Variants in TANGO6 observed in about 807,000 individuals in gnomAD.
TANGO6 encodes the protein transport and Golgi organization protein 6 homolog.
Under a neutral mutation model 114.2 loss-of-function variants are expected in TANGO6, and 90 were observed. The observed-to-expected ratio is 0.79, with a 90% CI of 0.66 to 0.94. The LOEUF (loss-of-function observed/expected upper bound fraction) is 0.94. Ranked by LOEUF, TANGO6 falls within the 40% of genes least tolerant of loss-of-function variation. The pLI is 0.00. For synonymous variants in TANGO6, 477 were observed against 509.8 expected (o/e 0.94, Z 0.87); for missense variants, 1,274 against 1,315.3 (o/e 0.97, Z 0.49).
At chr16:69,069,581 T>C (rs1960266535) in intron 17 of TANGO6, among the ~76,000 whole-genome samples, 2 of 152,256 alleles carry the variant, frequency 1.3e-5, no homozygotes, top group South Asian at 4.1e-4. Context: ...CAGCTCCAGT[T>C]CACCTCTTTC....
intron 11 of TANGO6, among the ~76,000 whole-genome samples, chr16:68,911,433 T>G (rs1962921509): frequency 6.7e-6 from 1 of 150,332 alleles, no homozygotes; most frequent in Admixed American, 6.6e-5. Flanking sequence ...TTTTTTTTTT[T>G]GAGACTGAAT....
Position 68,989,754 on chromosome 16 carries a change from T to C in TANGO6, c.2842+15586T>C, listed in dbSNP as rs370217505. On this transcript the variant is annotated intron_variant, in intron 15 of 17. Coordinates refer to ENST00000261778, the MANE Select transcript of TANGO6 (RefSeq NM_024562.2). ...CCCTGAACAGTGTTAAATTTTTGTT[T>C]CAACAGGCAATTAACGTAGGCTGAA... is the stretch of plus-strand genomic sequence containing the variant. Among the ~76,000 whole-genome samples the C allele has an allele frequency of 5.3e-5, 8 of 152,334 alleles. No homozygotes were observed. The South Asian group carries it at 1.7e-3, about 32-fold the overall frequency.
At chr16:69,031,661 T>C (rs1316238271) in intron 16 of TANGO6, among the ~76,000 whole-genome samples, 1 of 151,674 alleles carries the variant, frequency 6.6e-6, no homozygotes, top group Non-Finnish European at 1.5e-5. Context: ...TCCTGACTAG[T>C]GACTTTTTTT....
intron 15 of TANGO6, among the ~76,000 whole-genome samples, chr16:69,004,599 C>A (rs1357276077): frequency 2.6e-5 from 4 of 152,088 alleles, no homozygotes; most frequent in Non-Finnish European, 5.9e-5. Context: ...TGTGATCCGC[C>A]CGCCTCAACC....
At chr16:68,993,366 T>G (rs1963962007) in intron 15 of TANGO6, among the ~76,000 whole-genome samples, 2 of 152,272 alleles carry the variant, frequency 1.3e-5, no homozygotes, top group Non-Finnish European at 2.9e-5. Context: ...TGGATTCTAA[T>G]TCAATATATG....
chr16:69,028,772 C>T (rs1459179836), intron 16 of TANGO6, among the ~76,000 whole-genome samples: 2 of 148,028 alleles, frequency 1.4e-5, no homozygotes, highest in African/African-American at 5.0e-5. Flanking sequence ...AGGCTGGTCT[C>T]GAACTCCTGG....
chr16:68,967,512 A>G (rs1341486311), intron 14 of TANGO6, among the ~76,000 whole-genome samples: 5 of 152,194 alleles, frequency 3.3e-5, no homozygotes, highest in African/African-American at 1.2e-4. Flanking sequence ...CACCCCAGAA[A>G]GAAATTTCGT....
At chr16:68,972,136 AAGATG>A (rs1288979768) in intron 14 of TANGO6, among the ~76,000 whole-genome samples, 2 of 152,000 alleles carry the variant, frequency 1.3e-5, no homozygotes, top group South Asian at 2.1e-4. Flanking sequence ...CTGAAGTCCT[AAGATG>A]GACTCTGGAT....
intron 1 of TANGO6, among the ~76,000 whole-genome samples, chr16:68,847,511 A>G (rs937267108): frequency 1.3e-5 from 2 of 152,184 alleles, no homozygotes; most frequent in African/African-American, 2.4e-5. Context: ...TTTGTTTTAA[A>G]TCACTTTCTT....
intron 15 of TANGO6, among the ~76,000 whole-genome samples, chr16:69,013,156 G>C (rs1379924306): frequency 6.6e-6 from 1 of 151,316 alleles, no homozygotes; most frequent in African/African-American, 2.4e-5. Flanking sequence ...ATACTAAGAT[G>C]ATTCAGCTCT....
In TANGO6 at chr16:69,027,024, A is replaced by T. The variant is rs144418268; in HGVS notation, c.2994+4045A>T. On this transcript the variant is annotated intron_variant, in intron 16 of 17. Transcript: ENST00000261778. ...ATTACAGGTATGAGCCACCATGCCC[A>T]GCTAATTTTTGTATTTTTAGTAGAG... Among the ~76,000 whole-genome samples, 52 of 152,164 alleles carry T rather than the reference A, an allele frequency of 3.4e-4. 1 individual carries two copies. The East Asian group carries it at 8.3e-3, about 24-fold the overall frequency.
Position 68,879,325 on chromosome 16 carries a change from T to A in TANGO6, c.1294+1045T>A, listed in dbSNP as rs900498753. ...AATGAGACCCTGTCTTTAGAAAAAATTTTAAAAATTAGCTGGGCGTGGTGG... is the reference window on the plus strand; with the variant it reads ...AATGAGACCCTGTCTTTAGAAAAAAATTTAAAAATTAGCTGGGCGTGGTGG... On this transcript the variant is annotated intron_variant, in intron 6 of 17. Transcript: ENST00000261778. 3.3e-5 allele frequency among the ~76,000 whole-genome samples: 5 copies of A among 150,754 alleles called. No individual in the cohort carries two copies. The East Asian group carries it at 6.0e-4, about 18-fold the overall frequency.
Position 68,980,995 on chromosome 16 carries a change from A to G in TANGO6, c.2842+6827A>G, listed in dbSNP as rs116232921. Among the ~76,000 whole-genome samples, 294 of 151,048 alleles carry G rather than the reference A, an allele frequency of 1.9e-3. 1 individual carries two copies. Among genetic ancestry groups the G allele is most frequent in the African/African-American group, 6.7e-3 (275 of 41,286 alleles). ...GTCAACAGAGTGAGACTCCATCTCA[A>G]AAAAAAAAGAATTGTGGAAAGATTT... On this transcript the variant is annotated intron_variant, in intron 15 of 17. Transcript: ENST00000261778.
intron 4 of TANGO6, among the ~76,000 whole-genome samples, chr16:68,868,643 G>A (rs760252158): frequency 2.0e-5 from 3 of 151,776 alleles, no homozygotes; most frequent in Non-Finnish European, 4.4e-5. Context: ...GACTAAAGGC[G>A]CCTGCCACCA....
chr16:69,043,839 T>A (rs1959810343), intron 17 of TANGO6, among the ~76,000 whole-genome samples: 1 of 152,176 alleles, frequency 6.6e-6, no homozygotes, highest in African/African-American at 2.4e-5. Flanking sequence ...TGCCAAAAGA[T>A]AATACCAGGT....
intron 14 of TANGO6, among the ~76,000 whole-genome samples, chr16:68,941,661 A>G (rs1025668564): frequency 6.6e-6 from 1 of 151,872 alleles, no homozygotes; most frequent in African/African-American, 2.4e-5. Flanking sequence ...TGGGAGAATC[A>G]CTTGAACCTG....
At chr16:69,001,661 C>G (rs890858706) in intron 15 of TANGO6, among the ~76,000 whole-genome samples, 1 of 152,090 alleles carries the variant, frequency 6.6e-6, no homozygotes, top group Non-Finnish European at 1.5e-5. Flanking sequence ...AATCAAGGAT[C>G]CCATTTTTAC....
intron 16 of TANGO6, among the ~76,000 whole-genome samples, chr16:69,031,818 C>G (rs1959598329): frequency 6.6e-6 from 1 of 151,328 alleles, no homozygotes; most frequent in Non-Finnish European, 1.5e-5. Context: ...CCACCACACC[C>G]AGCTAATTTT....
At chr16:68,916,654 G>T (rs1266511566) in intron 11 of TANGO6, among the ~76,000 whole-genome samples, 1 of 152,094 alleles carries the variant, frequency 6.6e-6, no homozygotes, top group Non-Finnish European at 1.5e-5. Flanking sequence ...TCGGGAGTGA[G>T]TCAGGGCAGG....
Sources: gnomAD v4.1 joint callset for allele counts (sites outside exome capture counted in the v4.1 genomes callset) on GRCh38, gnomAD v4.1.1 for gene constraint, MANE v1.5 for transcripts, NCBI Gene and HGNC (gene_info 2026-07-23, HGNC 2026-07-21) for gene names.